The following DIAPH3 variants were observed in gnomAD, a reference collection of about 807,000 sequenced individuals.
DIAPH3 encodes diaphanous related formin 3.
In DIAPH3, 117 loss-of-function variants were observed where a neutral mutation model predicts 144.3. That is an observed-to-expected ratio of 0.81 (90% confidence interval 0.70 to 0.95). The LOEUF is 0.95. DIAPH3 is among the 40% of genes least tolerant of loss of function. DIAPH3 has a pLI of 0.00. For missense variants in DIAPH3, 1,421 were observed against 1,412.7 expected (o/e 1.01, Z -0.09); for synonymous variants, 519 against 488.9 (o/e 1.06, Z -0.81).
chr13:59,821,881 T>G lies in DIAPH3; in HGVS notation c.3028-10958A>C, dbSNP rs138141202. ...GAACTTTTTATGACCGTGAAACTTATGAAAATGGGAAACTATCCTTTGAGG... is the reference window on the plus strand; with the variant it reads ...GAACTTTTTATGACCGTGAAACTTAGGAAAATGGGAAACTATCCTTTGAGG... On this transcript the variant is annotated intron_variant, in intron 24 of 27. Transcript: ENST00000400324. Among the ~76,000 whole-genome samples, 183 of 152,326 alleles carry G rather than the reference T, an allele frequency of 1.2e-3. 4 individuals are homozygous for G. Among genetic ancestry groups the G allele is most frequent in the Admixed American group, 9.1e-3 (139 of 15,288 alleles).
intron 27 of DIAPH3, among the ~76,000 whole-genome samples, chr13:59,738,787 G>A (rs755400978): frequency 2.0e-5 from 3 of 152,168 alleles, no homozygotes; most frequent in Admixed American, 6.5e-5. Flanking sequence ...AACAGTTACA[G>A]ACTGACTTGA....
chr13:59,848,197 T>G (rs907510261), intron 22 of DIAPH3, among the ~76,000 whole-genome samples: 2 of 151,902 alleles, frequency 1.3e-5, no homozygotes, highest in African/African-American at 2.4e-5. Flanking sequence ...CACTTTTTCC[T>G]CAACAGAGCA....
intron 27 of DIAPH3, among the ~76,000 whole-genome samples, chr13:59,689,291 G>A (rs1220442932): frequency 6.6e-6 from 1 of 151,898 alleles, no homozygotes; most frequent in East Asian, 1.9e-4. Context: ...TTAGGAGTAC[G>A]GCGGCCTCCT....
At chr13:60,118,221 C>T (rs776484739) in intron 2 of DIAPH3, among the ~76,000 whole-genome samples, 4 of 151,344 alleles carry the variant, frequency 2.6e-5, no homozygotes, top group Non-Finnish European at 5.9e-5. Flanking sequence ...ATTAATTAAA[C>T]AAAAAAAGGT....
At chr13:59,826,625 C>T (rs1402821122) in intron 24 of DIAPH3, among the ~76,000 whole-genome samples, 2 of 150,924 alleles carry the variant, frequency 1.3e-5, no homozygotes, top group African/African-American at 2.4e-5. Flanking sequence ...TTTATAGATT[C>T]AATGCCATCC....
intron 21 of DIAPH3, among the ~76,000 whole-genome samples, chr13:59,867,236 G>A (rs900510966): frequency 5.3e-5 from 8 of 151,476 alleles, no homozygotes; most frequent in Admixed American, 2.6e-4. Context: ...CAAGACTGCA[G>A]TGAGCTATAT....
chr13:60,133,630 T>C (rs1297211062), intron 1 of DIAPH3, among the ~76,000 whole-genome samples: 2 of 152,178 alleles, frequency 1.3e-5, no homozygotes, highest in Non-Finnish European at 2.9e-5. Flanking sequence ...TTTTGCTGAT[T>C]TCCTTGCTAG....
At chr13:59,909,869 C>A (rs2046908186) in intron 20 of DIAPH3, among the ~76,000 whole-genome samples, 2 of 152,180 alleles carry the variant, frequency 1.3e-5, no homozygotes, top group Non-Finnish European at 2.9e-5. Context: ...GTTGTTTTAA[C>A]TGCTGATCCC....
intron 27 of DIAPH3, among the ~76,000 whole-genome samples, chr13:59,702,212 A>T (rs1242733434): frequency 6.6e-6 from 1 of 152,186 alleles, no homozygotes; most frequent in Non-Finnish European, 1.5e-5. Flanking sequence ...TCAGCATTCA[A>T]ATCTGCATTT....
At chr13:59,867,647 G>C (rs2044007060) in intron 21 of DIAPH3, among the ~76,000 whole-genome samples, 1 of 152,092 alleles carries the variant, frequency 6.6e-6, no homozygotes, top group African/African-American at 2.4e-5. Context: ...GAATTACAGT[G>C]AGTGTAGAAA....
intron 15 of DIAPH3, among the ~76,000 whole-genome samples, chr13:59,972,054 G>A (rs1432538284): frequency 6.6e-6 from 1 of 152,188 alleles, no homozygotes; most frequent in Non-Finnish European, 1.5e-5. Flanking sequence ...GATGAGGTAA[G>A]TGACTATCTT....
At chr13:60,092,634 G>A (rs1294648773) in intron 4 of DIAPH3, among the ~76,000 whole-genome samples, 1 of 151,844 alleles carries the variant, frequency 6.6e-6, no homozygotes, top group Non-Finnish European at 1.5e-5. Flanking sequence ...CTGGGCGACA[G>A]AGTGAGACTC....
At chr13:59,819,640 G>A (rs2040955952) in intron 24 of DIAPH3, among the ~76,000 whole-genome samples, 1 of 151,652 alleles carries the variant, frequency 6.6e-6, no homozygotes, top group Non-Finnish European at 1.5e-5. Flanking sequence ...AACAAAAAAA[G>A]GGTAATTGGA....
At chr13:60,116,371 T>C (rs886362104) in intron 2 of DIAPH3, among the ~76,000 whole-genome samples, 22 of 152,196 alleles carry the variant, frequency 1.4e-4, no homozygotes, top group Admixed American at 1.2e-3. Context: ...TCCACATGAA[T>C]ATATGTCCAG....
intron 4 of DIAPH3, among the ~76,000 whole-genome samples, chr13:60,093,172 C>A (rs2058006077): frequency 6.6e-6 from 1 of 152,158 alleles, no homozygotes; most frequent in African/African-American, 2.4e-5. Context: ...GCCTAATGCT[C>A]CTTTCAATAC....
At chr13:59,949,750 C>T (rs1199494476) in intron 17 of DIAPH3, among the ~76,000 whole-genome samples, 1 of 152,066 alleles carries the variant, frequency 6.6e-6, no homozygotes, top group Non-Finnish European at 1.5e-5. Context: ...TAGTGGAGAT[C>T]CATAACAGTA....
In DIAPH3 at chr13:59,669,929, T is replaced by C. The variant is rs1199722305; in HGVS notation, c.3320-3083A>G. ...TGTCAAGGTCGCTAATGAACATGCA[T>C]GCTGCCAAAAACAAGGATTGCATAT... On this transcript the variant is annotated intron_variant, in intron 27 of 27. Coordinates refer to ENST00000400324, the MANE Select transcript of DIAPH3 (RefSeq NM_001042517.2). Among the ~76,000 whole-genome samples, 3 of 152,308 alleles carry C rather than the reference T, an allele frequency of 2.0e-5. 1 individual carries two copies. Among genetic ancestry groups the C allele is most frequent in the African/African-American group, 4.8e-5 (2 of 41,576 alleles).
intron 23 of DIAPH3, among the ~76,000 whole-genome samples, chr13:59,835,790 C>T (rs947652886): frequency 6.6e-6 from 1 of 151,770 alleles, no homozygotes; most frequent in African/African-American, 2.4e-5. Flanking sequence ...TTCTATTTTA[C>T]TTCCTAGTCG....
intron 4 of DIAPH3, among the ~76,000 whole-genome samples, chr13:60,079,703 G>GTT (rs1264454709): frequency 6.6e-6 from 1 of 151,858 alleles, no homozygotes; most frequent in Non-Finnish European, 1.5e-5. Flanking sequence ...AAAGAAAAGG[G>GTT]TTTGGCTCAA....
Sources: gnomAD v4.1 joint callset for allele counts (sites outside exome capture counted in the v4.1 genomes callset) on GRCh38, gnomAD v4.1.1 for gene constraint, MANE v1.5 for transcripts, NCBI Gene and HGNC (gene_info 2026-07-23, HGNC 2026-07-21) for gene names.